Variants in KLF7 observed in about 807,000 individuals in gnomAD.
KLF7 encodes the protein Krueppel-like factor 7.
KLF7 carries 2 observed loss-of-function variants against 27.3 expected under a neutral mutation model. The observed-to-expected ratio is 0.07, with a 90% CI of 0.03 to 0.23. KLF7 has a LOEUF of 0.23. KLF7 is among the 10% of genes least tolerant of loss of function. The pLI is 1.00. For missense variants in KLF7, 221 were observed against 394.1 expected, an observed-to-expected ratio of 0.56 and a Z score of 3.72; for synonymous variants, 165 against 162.4, an observed-to-expected ratio of 1.02 and a Z score of -0.12.
chr2:207,151,001 A>AAAG (rs2078228215), intron 1 of KLF7, among the ~76,000 whole-genome samples: 1 of 149,388 alleles, frequency 6.7e-6, no homozygotes, highest in Non-Finnish European at 1.5e-5. Flanking sequence ...CTTTATTAAA[A>AAAG]AAAAAAAAAA....
intron 3 of KLF7, among the ~76,000 whole-genome samples, chr2:207,084,286 G>C (rs1170310391): frequency 6.6e-6 from 1 of 152,060 alleles, no homozygotes; most frequent in Non-Finnish European, 1.5e-5. Context: ...TATATCCTGG[G>C]AACTCTCGGG....
chr2:207,075,998 C>A lies in KLF7; in HGVS notation c.*5215G>T, dbSNP rs973061268. 7 of 152,012 alleles carry A rather than the reference C, an allele frequency of 4.6e-5. No individual in the cohort carries two copies. Among genetic ancestry groups the A allele is most frequent in the African/African-American group, 1.7e-4 (7 of 41,458 alleles). The allele number at this position is 152,012 out of a possible 1,614,324, so 9.4% of individuals were successfully genotyped here. On this transcript the variant is annotated 3_prime_UTR_variant, in exon 4 of 4. Transcript: ENST00000309446. ...TCTGCCCACCCCCAACCCCTCCCCGCTATGTGGAACTCCCAGTGTGGTTTC... is the reference window on the plus strand; with the variant it reads ...TCTGCCCACCCCCAACCCCTCCCCGATATGTGGAACTCCCAGTGTGGTTTC...
intron 1 of KLF7, among the ~76,000 whole-genome samples, chr2:207,158,587 C>T (rs979608926): frequency 2.6e-5 from 4 of 152,100 alleles, no homozygotes; most frequent in Non-Finnish European, 5.9e-5. Flanking sequence ...CTTCATACTC[C>T]CACTCCATTT....
At chr2:207,115,038 T>A (rs2077142037) in intron 2 of KLF7, among the ~76,000 whole-genome samples, 1 of 152,204 alleles carries the variant, frequency 6.6e-6, no homozygotes, top group Non-Finnish European at 1.5e-5. Flanking sequence ...TAAGTATATG[T>A]TTTATAATAC....
At chr2:207,149,431 A>T (rs1002548315) in intron 1 of KLF7, among the ~76,000 whole-genome samples, 6 of 152,224 alleles carry the variant, frequency 3.9e-5, no homozygotes, top group African/African-American at 1.2e-4. Flanking sequence ...TAGTAGTCCA[A>T]GAAATCTCTG....
At chr2:207,135,727 T>C (rs1019944698) in intron 1 of KLF7, among the ~76,000 whole-genome samples, 3 of 152,232 alleles carry the variant, frequency 2.0e-5, no homozygotes, top group Admixed American at 6.5e-5. Context: ...GCAGTGTGCA[T>C]GTGTTTATTA....
chr2:207,134,599 G>A (rs890825497), intron 1 of KLF7, among the ~76,000 whole-genome samples: 1 of 152,170 alleles, frequency 6.6e-6, no homozygotes, highest in African/African-American at 2.4e-5. Context: ...TTGTTGTACT[G>A]TTACTTGAGA....
At chr2:207,149,170 T>G in intron 1 of KLF7, 1 of 1,288,452 alleles carries the variant, frequency 7.8e-7, no homozygotes, top group Non-Finnish European at 1.0e-6. Context: ...ACTGGTGTGT[T>G]TTCTTTTTGG....
chr2:207,115,169 T>A, intron 2 of KLF7, among the ~76,000 whole-genome samples: 1 of 150,646 alleles, frequency 6.6e-6, no homozygotes. Flanking sequence ...AAAAAAAAGA[T>A]GTCAGTTGCA....
intron 1 of KLF7, among the ~76,000 whole-genome samples, chr2:207,140,179 G>A (rs533832629): frequency 4.8e-4 from 73 of 152,212 alleles, no homozygotes; most frequent in African/African-American, 1.7e-3. Context: ...GAGCCACTGG[G>A]CCTGGCCTGT....
At chr2:207,127,342 A>G (rs369898866) in intron 1 of KLF7, among the ~76,000 whole-genome samples, 4 of 152,322 alleles carry the variant, frequency 2.6e-5, no homozygotes, top group South Asian at 2.1e-4. Context: ...TACACTTCTT[A>G]TATCTGCTGG....
At chr2:207,123,372 C>T (rs1255507739) in intron 2 of KLF7, among the ~76,000 whole-genome samples, 3 of 152,158 alleles carry the variant, frequency 2.0e-5, no homozygotes, top group African/African-American at 7.2e-5. Context: ...CCCTAGCTAC[C>T]TTGTTTAACT....
upstream of KLF7, chr2:207,166,937 G>A (rs1383424493): frequency 1.4e-6 from 1 of 710,124 alleles, no homozygotes; most frequent in Non-Finnish European, 1.8e-6. Context: ...CCCGCCCCGC[G>A]GGCGCCGCCG....
intron 3 of KLF7, among the ~76,000 whole-genome samples, chr2:207,085,487 C>G (rs1308941537): frequency 6.6e-6 from 1 of 152,160 alleles, no homozygotes; most frequent in African/African-American, 2.4e-5. Context: ...AACCACTTAT[C>G]CCTCTAGCCA....
intron 2 of KLF7, among the ~76,000 whole-genome samples, chr2:207,103,219 C>G (rs932822695): frequency 6.6e-6 from 1 of 152,170 alleles, no homozygotes; most frequent in African/African-American, 2.4e-5. Flanking sequence ...TGAGCCATCA[C>G]GGCCAATCAA....
intron 3 of KLF7, among the ~76,000 whole-genome samples, chr2:207,082,200 G>A (rs974759499): frequency 6.6e-6 from 1 of 152,168 alleles, no homozygotes; most frequent in African/African-American, 2.4e-5. Flanking sequence ...GGCTGAAGTT[G>A]TGGCCACAGT....
chr2:207,093,099 AG>A (rs986942594), intron 2 of KLF7, among the ~76,000 whole-genome samples: 6 of 152,196 alleles, frequency 3.9e-5, no homozygotes, highest in Non-Finnish European at 7.3e-5. Flanking sequence ...TGACTCTTAC[AG>A]GGGGCCTTAG....
chr2:207,108,323 A>AGGG (rs2076935160), intron 2 of KLF7, among the ~76,000 whole-genome samples: 2 of 152,244 alleles, frequency 1.3e-5, no homozygotes, highest in Non-Finnish European at 2.9e-5. Flanking sequence ...CTATTATCAA[A>AGGG]TTGGGTTGGG....
chr2:207,123,485 G>A (rs994422686), intron 2 of KLF7, among the ~76,000 whole-genome samples: 2 of 152,174 alleles, frequency 1.3e-5, no homozygotes, highest in Non-Finnish European at 2.9e-5. Context: ...AAGTGTCTGT[G>A]TCACAAACAG....
Sources: allele counts gnomAD v4.1 joint callset (sites outside exome capture counted in the v4.1 genomes callset), GRCh38; gene constraint gnomAD v4.1.1; transcripts MANE v1.5; gene names NCBI Gene and HGNC (gene_info 2026-07-23, HGNC 2026-07-21).